The following PRKAR1B variants were observed in gnomAD, a reference collection of about 807,000 sequenced individuals.
PRKAR1B encodes cAMP-dependent protein kinase type I-beta regulatory subunit.
Under a neutral mutation model 46.5 loss-of-function variants are expected in PRKAR1B, and 22 were observed. The ratio of observed to expected loss-of-function variants is 0.47; its 90% confidence interval spans 0.34 to 0.68. PRKAR1B has a LOEUF of 0.68. Ranked by LOEUF, PRKAR1B falls within the 30% of genes least tolerant of loss-of-function variation. PRKAR1B has a pLI of 0.01. For missense variants in PRKAR1B, 445 were observed against 535.6 expected (o/e 0.83, Z 1.67); for synonymous variants, 259 against 217.7 (o/e 1.19, Z -1.67).
At chr7:679,935 T>C (rs533115406) in intron 3 of PRKAR1B, among the ~76,000 whole-genome samples, 2 of 152,098 alleles carry the variant, frequency 1.3e-5, no homozygotes, top group East Asian at 3.9e-4. Flanking sequence ...AAGACGGGCA[T>C]ATCACAAGGT....
intron 2 of PRKAR1B, among the ~76,000 whole-genome samples, chr7:709,173 G>A (rs1466554280): frequency 6.8e-6 from 1 of 146,440 alleles, no homozygotes; most frequent in Non-Finnish European, 1.5e-5. Flanking sequence ...ACGGAGGAAA[G>A]GTTGAAAAAC....
intron 7 of PRKAR1B, among the ~76,000 whole-genome samples, chr7:586,970 A>G (rs1468576065): frequency 7.0e-6 from 1 of 143,806 alleles, no homozygotes; most frequent in Non-Finnish European, 1.5e-5. Context: ...TGCAAGCTCC[A>G]ACTCCCGGGT....
chr7:553,935 G>GAA (rs1784407902), intron 9 of PRKAR1B, among the ~76,000 whole-genome samples: 1 of 152,268 alleles, frequency 6.6e-6, no homozygotes, highest in Admixed American at 6.5e-5. Flanking sequence ...CAGACCGGGC[G>GAA]GCTGAGTGCC....
At chr7:618,128 T>C (rs1583310289) in intron 4 of PRKAR1B, among the ~76,000 whole-genome samples, 1 of 151,670 alleles carries the variant, frequency 6.6e-6, no homozygotes, top group Admixed American at 6.6e-5. Context: ...CAGGGCAAGG[T>C]CCAGGAACAC....
intron 4 of PRKAR1B, among the ~76,000 whole-genome samples, chr7:657,482 T>G (rs1216525902): frequency 6.6e-6 from 1 of 152,172 alleles, no homozygotes; most frequent in African/African-American, 2.4e-5. Flanking sequence ...ATATTTAGAC[T>G]CAATTAACTC....
At chr7:551,307 G>C in intron 10 of PRKAR1B, 82 bp downstream of exon 10, 1 of 1,350,492 alleles carries the variant, frequency 7.4e-7, no homozygotes, top group East Asian at 2.5e-5. Context: ...CCCCCCAGCA[G>C]CTCCTCACCT....
intron 2 of PRKAR1B, among the ~76,000 whole-genome samples, chr7:692,445 AAGGAGAAGAGAAG>A (rs1001389525): frequency 1.6e-4 from 25 of 151,906 alleles, no homozygotes; most frequent in Admixed American, 7.9e-4. Context: ...AGAGAGAGAG[AAGGAGAAGAGAAG>A]AGGAGAAGAG....
At chr7:638,682 T>C (rs1404090228) in intron 4 of PRKAR1B, among the ~76,000 whole-genome samples, 1 of 152,164 alleles carries the variant, frequency 6.6e-6, no homozygotes, top group African/African-American at 2.4e-5. Flanking sequence ...AAGTTAAAGA[T>C]CTAAATACAA....
intron 4 of PRKAR1B, among the ~76,000 whole-genome samples, chr7:665,145 G>C (rs1402000055): frequency 1.7e-4 from 26 of 152,060 alleles, no homozygotes. Flanking sequence ...CGCAGCTCCA[G>C]GCGCAGGCCA....
intron 1 of PRKAR1B, among the ~76,000 whole-genome samples, chr7:726,245 GT>G (rs1460025848): frequency 6.6e-6 from 1 of 152,338 alleles, no homozygotes; most frequent in East Asian, 1.9e-4. Flanking sequence ...CCAGGCACCT[GT>G]CTTACACCAC....
At position 685,298 on chromosome 7, in the gene PRKAR1B, A is replaced by ATATATATACGTATATATACG. The variant is rs1256760202; in HGVS notation, c.178-4592_178-4573dup. Among the ~76,000 whole-genome samples, 5 of 14,800 alleles carry ATATATATACGTATATATACG rather than the reference A, an allele frequency of 3.4e-4. 1 individual carries two copies. In the East Asian group the frequency reaches 0.02, roughly 58 times the overall value. 9.7% of individuals were successfully genotyped at this position (14,800 alleles called of 152,430 possible). A position where few individuals can be genotyped will look rare whatever the true frequency, so the allele number is the denominator to read the frequency against. The stretch of plus-strand genomic sequence containing the variant: ...TATATACGTATATATATGTATACAT[A>ATATATATACGTATATATACG]TATATATACGTATATATACGTATAT... On this transcript the variant is annotated intron_variant, in intron 2 of 10. Coordinates refer to ENST00000537384, the MANE Select transcript of PRKAR1B (RefSeq NM_001164760.2).
chr7:695,953 T>G (rs984083982), intron 2 of PRKAR1B, among the ~76,000 whole-genome samples: 1 of 143,290 alleles, frequency 7.0e-6, no homozygotes, highest in East Asian at 2.1e-4. Flanking sequence ...CGTGAGCCAC[T>G]GCGCCCAACC....
At chr7:677,094 G>T (rs1019218452) in intron 4 of PRKAR1B, 135 bp downstream of exon 4, 3 of 810,430 alleles carry the variant, frequency 3.7e-6, no homozygotes, top group Admixed American at 2.0e-5. Context: ...ATTCCCAGGC[G>T]AGCAACGGGG....
intron 4 of PRKAR1B, among the ~76,000 whole-genome samples, chr7:660,633 T>A (rs1415837631): frequency 4.4e-4 from 37 of 84,760 alleles, no homozygotes; most frequent in African/African-American, 1.5e-3. Flanking sequence ...ATAGCACAAG[T>A]CCCCACCCCA....
chr7:632,251 G>A (rs968463456), intron 4 of PRKAR1B, among the ~76,000 whole-genome samples: 3 of 152,256 alleles, frequency 2.0e-5, no homozygotes, highest in South Asian at 2.1e-4. Flanking sequence ...TCTGCCAGAC[G>A]CCCAGCAGCT....
chr7:654,713 A>G, intron 4 of PRKAR1B, among the ~76,000 whole-genome samples: 1 of 149,860 alleles, frequency 6.7e-6, no homozygotes, highest in South Asian at 2.1e-4. Flanking sequence ...CACCATCATC[A>G]CCATCTACAT....
rs1287022974 is a variant in PRKAR1B, at chr7:714,553, C to G, written c.-22-3026G>C. On this transcript the variant is annotated intron_variant, in intron 1 of 10. Transcript: ENST00000537384. The surrounding 1 kb of genome is among the most constrained non-coding windows in gnomAD (Gnocchi z 4.3). The stretch of plus-strand genomic sequence containing the variant: ...GCTCCCACTGCCTCTCTCTTTCACA[C>G]TTTTCCCCGCCACTCAGATCCCTGT... Among the ~76,000 whole-genome samples the G allele has an allele frequency of 6.6e-6, 1 of 152,206 alleles. No homozygotes were observed. Among genetic ancestry groups the G allele is most frequent in the Non-Finnish European group, 1.5e-5 (1 of 68,032 alleles).
intron 9 of PRKAR1B, among the ~76,000 whole-genome samples, chr7:563,219 G>A (rs902069408): frequency 1.1e-4 from 17 of 152,142 alleles, no homozygotes; most frequent in African/African-American, 1.7e-4. Flanking sequence ...CCGTGCCCTC[G>A]GCCCCCACCC....
chr7:699,110 A>C (rs1779925639), intron 2 of PRKAR1B, among the ~76,000 whole-genome samples: 1 of 152,218 alleles, frequency 6.6e-6, no homozygotes, highest in Non-Finnish European at 1.5e-5. Flanking sequence ...CTGCCCCAGC[A>C]CGCCAGGGGC....
Sources: gnomAD v4.1 joint callset for allele counts (sites outside exome capture counted in the v4.1 genomes callset) on GRCh38, gnomAD v4.1.1 for gene constraint, Gnocchi (gnomAD v3.1) non-coding constraint, MANE v1.5 for transcripts, NCBI Gene and HGNC (gene_info 2026-07-23, HGNC 2026-07-21) for gene names.